The following PLG variants were observed in gnomAD, a reference collection of about 807,000 sequenced individuals.
The protein encoded by PLG is plasmin.
PLG carries 41 observed loss-of-function variants against 104.4 expected under a neutral mutation model. The observed-to-expected ratio is 0.39, with a 90% CI of 0.31 to 0.51. The LOEUF (loss-of-function observed/expected upper bound fraction) is 0.51, where lower values mean the gene tolerates loss of function less well. Among genes scored for constraint, PLG ranks in the 20% least tolerant of loss-of-function variants. PLG has a pLI of 0.76. For missense variants in PLG, 891 were observed against 1,003.6 expected, an observed-to-expected ratio of 0.89 and a Z score of 1.52; for synonymous variants, 337 against 357.1, an observed-to-expected ratio of 0.94 and a Z score of 0.63.
At chr6:160,706,624 A>C in intron 2 of PLG, 82 bp downstream of exon 2, 2 of 1,378,868 alleles carry the variant, frequency 1.5e-6, no homozygotes, top group Non-Finnish European at 2.0e-6. Flanking sequence ...TTAATGATTT[A>C]AGAGGAAAGA....
At position 160,738,452 on chromosome 6, in the gene PLG, AGTGAACGTGTCTTTCTG is replaced by A. The variant is rs1778125347; in HGVS notation, c.1803-84_1803-68del. 1.2e-6 allele frequency: 1 copy of A among 861,866 alleles called. No individual in the cohort carries two copies. Among genetic ancestry groups the A allele is most frequent in the Non-Finnish European group, 2.0e-6 (1 of 494,518 alleles). 53.4% of individuals were successfully genotyped at this position (861,866 alleles called of 1,614,324 possible). On this transcript the variant is annotated intron_variant, in intron 14 of 18. Coordinates refer to ENST00000308192, the MANE Select transcript of PLG (RefSeq NM_000301.5). The surrounding 1 kb of genome is among the most constrained non-coding windows in gnomAD (Gnocchi z 6.8). The stretch of plus-strand genomic sequence containing the variant: ...GGGAATATGAACATGGTCAAAATTA[AGTGAACGTGTCTTTCTG>A]GCTTTCTGTACAATGGAGCAGAACA...
Position 160,731,693 on chromosome 6 carries a change from T to C in PLG, c.1439-52T>C. Reference sequence around the variant, plus strand: ...CTGACATGACTGTATTGATTCCATATCATCCTGGGTCTCTGTGGCTCTTCA... The same window carrying C: ...CTGACATGACTGTATTGATTCCATACCATCCTGGGTCTCTGTGGCTCTTCA... On this transcript the variant is annotated intron_variant, in intron 11 of 18. Transcript: ENST00000308192. This position sits in a 1 kb window ranked among gnomAD's most constrained non-coding sequence, Gnocchi z 5.1. 2 of 1,564,380 alleles carry C rather than the reference T, an allele frequency of 1.3e-6. No homozygotes were observed. Among genetic ancestry groups the C allele is most frequent in the Non-Finnish European group, 8.8e-7 (1 of 1,134,822 alleles).
chr6:160,714,165 T>C (rs1462254231), intron 5 of PLG, among the ~76,000 whole-genome samples: 2 of 152,238 alleles, frequency 1.3e-5, no homozygotes. Flanking sequence ...TGCCTCACCA[T>C]GTTACTTCAA....
At chr6:160,711,388 A>T in intron 4 of PLG, 197 bp downstream of exon 4, 1 of 699,314 alleles carries the variant, frequency 1.4e-6, no homozygotes, top group Non-Finnish European at 2.4e-6. Flanking sequence ...ATGCTATTTA[A>T]TCGTTGTTAT....
intron 7 of PLG, 134 bp downstream of exon 7, chr6:160,716,897 T>C: frequency 2.7e-6 from 2 of 733,374 alleles, no homozygotes; most frequent in Non-Finnish European, 5.1e-6. Context: ...TATTGGTCTT[T>C]ATTTTATTGC....
Position 160,722,499 on chromosome 6 carries a change from G to C in PLG, c.1188G>C (p.Lys396Asn), listed in dbSNP as rs969828765. ...CATCCTCCACCACCACCACAGGAAA[G>C]AAGTGTCAGTCTTGGTCATCTATGA... The part of the protein sequence containing the change: ...RGTSSTTTTG[K>N]KCQSWSSMTP... Residue 396 changes from lysine to asparagine, a missense_variant, in exon 10 of 19, where the codon AAG (lysine) becomes AAC (asparagine). Around this residue, in one of 2 missense-constraint regions of PLG, gnomAD observed 854 missense variants for 932.1 expected, o/e 0.92. Transcript: ENST00000308192. 1 of 1,613,882 alleles carries C rather than the reference G, an allele frequency of 6.2e-7. No individual in the cohort carries two copies. Among genetic ancestry groups the C allele is most frequent in the Non-Finnish European group, 8.5e-7 (1 of 1,179,808 alleles).
chr6:160,720,941 G>A (rs1275746811), intron 9 of PLG, among the ~76,000 whole-genome samples: 1 of 151,800 alleles, frequency 6.6e-6, no homozygotes, highest in African/African-American at 2.4e-5. Flanking sequence ...GTTTGGATAA[G>A]TTCTGGTAAC....
intron 6 of PLG, among the ~76,000 whole-genome samples, chr6:160,715,864 G>T (rs553842925): frequency 1.3e-5 from 2 of 152,252 alleles, no homozygotes; most frequent in African/African-American, 4.8e-5. Flanking sequence ...TGCTTAAGCC[G>T]CTGCTGGCTC....
Position 160,737,132 on chromosome 6 carries a change from G to A in PLG, c.1802+125G>A. ...CCTGCCTCTAAGTTTTCTGAAGGAG[G>A]AAAAAAGCTACAAAAATTAATATAT... On this transcript the variant is annotated intron_variant, in intron 14 of 18. Transcript: ENST00000308192. This position sits in a 1 kb window ranked among gnomAD's most constrained non-coding sequence, Gnocchi z 4.7. 8.5e-7 allele frequency: 1 copy of A among 1,172,360 alleles called. No individual in the cohort carries two copies. Among genetic ancestry groups the A allele is most frequent in the Non-Finnish European group, 1.2e-6 (1 of 832,838 alleles). The allele number at this position is 1,172,360 out of a possible 1,614,324, so 72.6% of individuals were successfully genotyped here.
intron 9 of PLG, among the ~76,000 whole-genome samples, chr6:160,720,958 C>G (rs984693849): frequency 1.3e-5 from 2 of 151,760 alleles, no homozygotes; most frequent in Admixed American, 1.3e-4. Flanking sequence ...TAACCTATTT[C>G]CAAGTTTATG....
chr6:160,741,416 A>C lies in PLG; in HGVS notation c.2124A>C (p.Gln708His), dbSNP rs781424107. 1 of 1,590,346 alleles carries C rather than the reference A, an allele frequency of 6.3e-7. No homozygotes were observed. Among genetic ancestry groups the C allele is most frequent in the East Asian group, 2.2e-5 (1 of 44,764 alleles). ...ECFITGWGET[Q>H]GTFGAGLLKE... is the part of the protein sequence containing the mutation. Reference sequence around the variant, plus strand: ...TCATCACTGGCTGGGGAGAAACCCAAGGTGAGATAAATTCCATTGCCCACA... The same window carrying C: ...TCATCACTGGCTGGGGAGAAACCCACGGTGAGATAAATTCCATTGCCCACA... Residue 708 changes from glutamine to histidine, a missense_variant and splice_region_variant, in exon 17 of 19, where the codon CAA (glutamine) becomes CAC (histidine). Physicochemically the swap from Gln to His is conservative, Grantham distance 24. Transcript: ENST00000308192. The surrounding 1 kb of genome is among the most constrained non-coding windows in gnomAD (Gnocchi z 4.7).
At position 160,724,052 on chromosome 6, in the gene PLG, T is replaced by A. The variant is rs1201004309; in HGVS notation, c.1256+1485T>A. Among the ~76,000 whole-genome samples, 1 of 152,228 alleles carries A rather than the reference T, an allele frequency of 6.6e-6. No individual in the cohort carries two copies. The highest frequency in any genetic ancestry group is 6.5e-5 in the Admixed American group (1 of 15,286). On this transcript the variant is annotated intron_variant, in intron 10 of 18. Transcript: ENST00000308192. The surrounding 1 kb of genome is among the most constrained non-coding windows in gnomAD (Gnocchi z 5.0). ...AACAAAATCAAGTTGCTCAGTTATG[T>A]GGCATCCACAATGTGTGACCTAAAT...
At chr6:160,742,499 T>C (rs1193550672) in intron 17 of PLG, among the ~76,000 whole-genome samples, 1 of 131,946 alleles carries the variant, frequency 7.6e-6, no homozygotes, top group Non-Finnish European at 1.6e-5. Context: ...TTAATGGGGT[T>C]TTTTTTTTCT....
At chr6:160,730,984 A>G (rs905773890) in intron 10 of PLG, 67 bp from the exon 11 acceptor site, 12 of 1,479,406 alleles carry the variant, frequency 8.1e-6, no homozygotes, top group Admixed American at 3.4e-5. Flanking sequence ...AACAAAATGT[A>G]GAGGGTGCTG....
At chr6:160,711,916 T>A (rs1652937551) in intron 4 of PLG, 4 of 1,336,654 alleles carry the variant, frequency 3.0e-6, no homozygotes, top group Non-Finnish European at 3.9e-6. Flanking sequence ...TTATTTATTT[T>A]AGTGCATTTT....
chr6:160,730,856 A>G, intron 10 of PLG, 195 bp from the exon 11 acceptor site: 2 of 556,600 alleles, frequency 3.6e-6, no homozygotes, highest in Non-Finnish European at 6.4e-6. Flanking sequence ...AAGAAAAATT[A>G]AAATCTGTCT....
In PLG at chr6:160,711,189, T is replaced by C. The variant is rs544452740; in HGVS notation, c.405T>C (p.Pro135=). Residue 135 remains proline (P), a splice_region_variant and synonymous_variant, in exon 4 of 19, where the codon CCT becomes CCC. Coordinates refer to ENST00000308192, the MANE Select transcript of PLG (RefSeq NM_000301.5). ...GGAGTTCCACTTCTCCCCACAGACC[T>C]AGGTAAGACATTCCCTTTCATCTTT... The part of the protein sequence containing the change: ...QKWSSTSPHR[P]RFSPATHPSE... The C allele has an allele frequency of 3.2e-5, 52 of 1,613,280 alleles. No individual in the cohort carries two copies. The Admixed American group carries it at 6.8e-4, about 21-fold the overall frequency.
At position 160,713,003 on chromosome 6, in the gene PLG, A is replaced by C; in HGVS notation, c.425A>C (p.His142Pro). 6.2e-7 allele frequency: 1 copy of C among 1,609,696 alleles called. No homozygotes were observed. Among genetic ancestry groups the C allele is most frequent in the African/African-American group, 1.3e-5 (1 of 74,840 alleles). ...CTCCCCAGATTCTCACCTGCTACACACCCCTCAGAGGGACTGGAGGAGAAC... is the reference window on the plus strand; with the variant it reads ...CTCCCCAGATTCTCACCTGCTACACCCCCCTCAGAGGGACTGGAGGAGAAC... ...PHRPRFSPAT[H>P]PSEGLEENYC... is the part of the protein sequence containing the mutation. The change falls in exon 5 of 19, where the codon CAC (histidine) becomes CCC (proline). Residue 142 changes from histidine (H) to proline (P), a missense_variant. Transcript: ENST00000308192.
At position 160,736,638 on chromosome 6, in the gene PLG, T is replaced by C. The variant is rs1778086470; in HGVS notation, c.1682-249T>C. On this transcript the variant is annotated intron_variant, in intron 13 of 18. Transcript: ENST00000308192. This position sits in a 1 kb window ranked among gnomAD's most constrained non-coding sequence, Gnocchi z 5.2. ...AATATCTCATTCTGATGCTAAACTATACCAGTCTGTTTGATCACTTCTCCA... is the reference window on the plus strand; with the variant it reads ...AATATCTCATTCTGATGCTAAACTACACCAGTCTGTTTGATCACTTCTCCA... Among the ~76,000 whole-genome samples, 1 of 152,218 alleles carries C rather than the reference T, an allele frequency of 6.6e-6. No homozygotes were observed. The highest frequency in any genetic ancestry group is 1.5e-5 in the Non-Finnish European group (1 of 68,038).
Sources: gnomAD v4.1 joint callset for allele counts (sites outside exome capture counted in the v4.1 genomes callset) on GRCh38, gnomAD v4.1.1 for gene constraint, gnomAD v4.1.1 regional missense constraint, Gnocchi (gnomAD v3.1) non-coding constraint, MANE v1.5 for transcripts, NCBI Gene and HGNC (gene_info 2026-07-23, HGNC 2026-07-21) for gene names.